Variants in LRMDA observed in about 807,000 individuals in gnomAD.
LRMDA encodes the protein leucine rich melanocyte differentiation associated.
Under a neutral mutation model 29.8 loss-of-function variants are expected in LRMDA, and 18 were observed. The observed-to-expected ratio is 0.60, with a 90% CI of 0.42 to 0.90. LRMDA has a LOEUF of 0.90. Among genes scored for constraint, LRMDA ranks in the 40% least tolerant of loss-of-function variants. LRMDA has a pLI of 0.00. For synonymous variants in LRMDA, 125 were observed against 109.4 expected (o/e 1.14, Z -0.89); for missense variants, 273 against 273.9 (o/e 1.00, Z 0.02).
chr10:76,207,495 T>C (rs968604977), intron 5 of LRMDA, among the ~76,000 whole-genome samples: 1 of 152,194 alleles, frequency 6.6e-6, no homozygotes, highest in East Asian at 1.9e-4. Flanking sequence ...GACTTAAGTA[T>C]TTATTTTTGG....
rs78734127 is a variant in LRMDA at position 76,042,685 on chromosome 10, T to G, written c.259-4479T>G. Among the ~76,000 whole-genome samples, 1,111 of 152,274 alleles carry G rather than the reference T, an allele frequency of 7.3e-3. 16 individuals are homozygous for G. The highest frequency in any genetic ancestry group is 0.025 in the African/African-American group (1,053 of 41,562). On this transcript the variant is annotated intron_variant, in intron 3 of 6. Transcript: ENST00000611255. ...ATTGAAGATATGCCTCTAGAGAAAC[T>G]TTTTTCCTGCAAATTTCTCATAGTT...
At chr10:75,978,833 A>G (rs1847118152) in intron 2 of LRMDA, among the ~76,000 whole-genome samples, 1 of 152,184 alleles carries the variant, frequency 6.6e-6, no homozygotes, top group African/African-American at 2.4e-5. Context: ...GTGTGATACA[A>G]TGTTATAATG....
intron 2 of LRMDA, among the ~76,000 whole-genome samples, chr10:75,697,944 A>G (rs1244327136): frequency 6.6e-6 from 1 of 152,058 alleles, no homozygotes; most frequent in Non-Finnish European, 1.5e-5. Context: ...TTTTGCTCAC[A>G]TGTTGGTTGC....
intron 6 of LRMDA, among the ~76,000 whole-genome samples, chr10:76,507,741 T>C (rs1481736813): frequency 6.6e-6 from 1 of 152,150 alleles, no homozygotes; most frequent in Non-Finnish European, 1.5e-5. Context: ...ACACCAATCA[T>C]TGAAGAGACT....
chr10:75,564,644 T>C (rs1840347180), intron 2 of LRMDA, among the ~76,000 whole-genome samples: 1 of 152,256 alleles, frequency 6.6e-6, no homozygotes, highest in Admixed American at 6.5e-5. Context: ...CTGGGAGCTG[T>C]AGACCGGAGC....
chr10:76,514,030 A>G (rs1405537718), intron 6 of LRMDA, among the ~76,000 whole-genome samples: 3 of 152,218 alleles, frequency 2.0e-5, no homozygotes, highest in African/African-American at 4.8e-5. Context: ...AACCTATCAT[A>G]AACCACAGCT....
chr10:76,483,956 A>T (rs868132305), intron 6 of LRMDA, among the ~76,000 whole-genome samples: 4 of 151,844 alleles, frequency 2.6e-5, no homozygotes, highest in African/African-American at 9.7e-5. Context: ...ACCATGCCAT[A>T]GTAATTACTA....
At chr10:76,204,902 A>G (rs1851506198) in intron 5 of LRMDA, among the ~76,000 whole-genome samples, 1 of 152,194 alleles carries the variant, frequency 6.6e-6, no homozygotes, top group South Asian at 2.1e-4. Context: ...ATCCAGAAAA[A>G]TCAGGAGAAT....
chr10:75,765,788 C>T (rs1843156478), intron 2 of LRMDA, among the ~76,000 whole-genome samples: 1 of 150,972 alleles, frequency 6.6e-6, no homozygotes, highest in Admixed American at 6.6e-5. Flanking sequence ...CGTCCCACTT[C>T]CCCACTCTTC....
At chr10:76,442,290 T>C (rs1214674160) in intron 6 of LRMDA, among the ~76,000 whole-genome samples, 4 of 152,208 alleles carry the variant, frequency 2.6e-5, no homozygotes, top group African/African-American at 9.6e-5. Context: ...TGACTGAGAT[T>C]GATGGAACAC....
intron 2 of LRMDA, among the ~76,000 whole-genome samples, chr10:75,983,507 C>T (rs147737313): frequency 7.9e-5 from 12 of 152,254 alleles, no homozygotes; most frequent in Admixed American, 5.9e-4. Flanking sequence ...TATACACATG[C>T]ATACGTAATA....
chr10:76,440,745 TATC>T (rs1589188619), intron 6 of LRMDA, among the ~76,000 whole-genome samples: 1 of 152,154 alleles, frequency 6.6e-6, no homozygotes, highest in African/African-American at 2.4e-5. Flanking sequence ...CTGCTCAACT[TATC>T]ATCATTAGTC....
chr10:75,805,031 C>T (rs568595417), intron 2 of LRMDA, among the ~76,000 whole-genome samples: 9 of 152,278 alleles, frequency 5.9e-5, no homozygotes, highest in African/African-American at 2.2e-4. Flanking sequence ...ATCCCACCTT[C>T]TGCCTCAACT....
At chr10:76,148,340 C>T (rs977492278) in intron 5 of LRMDA, among the ~76,000 whole-genome samples, 4 of 152,234 alleles carry the variant, frequency 2.6e-5, no homozygotes, top group African/African-American at 9.6e-5. Context: ...CCACCCAGTT[C>T]TAGCTTCCCG....
At chr10:76,456,317 A>G (rs1404612747) in intron 6 of LRMDA, among the ~76,000 whole-genome samples, 1 of 152,172 alleles carries the variant, frequency 6.6e-6, no homozygotes, top group Admixed American at 6.5e-5. Flanking sequence ...CTGAAGTTTT[A>G]TCATGGAGGC....
At chr10:75,998,573 A>G (rs1847510833) in intron 2 of LRMDA, among the ~76,000 whole-genome samples, 1 of 152,236 alleles carries the variant, frequency 6.6e-6, no homozygotes, top group Non-Finnish European at 1.5e-5. Context: ...TAAGAACTTT[A>G]CACATATTAG....
At chr10:76,450,398 A>G (rs1340441186) in intron 6 of LRMDA, among the ~76,000 whole-genome samples, 2 of 152,144 alleles carry the variant, frequency 1.3e-5, no homozygotes, top group Admixed American at 1.3e-4. Context: ...TTAAAACACA[A>G]TAGAACTTCC....
chr10:75,829,731 G>A (rs1239454112), intron 2 of LRMDA, among the ~76,000 whole-genome samples: 1 of 151,920 alleles, frequency 6.6e-6, no homozygotes, highest in Non-Finnish European at 1.5e-5. Flanking sequence ...TTAGGGTAAG[G>A]GATACTGTCT....
At chr10:76,145,443 A>G (rs1850295892) in intron 5 of LRMDA, among the ~76,000 whole-genome samples, 1 of 152,036 alleles carries the variant, frequency 6.6e-6, no homozygotes. Context: ...CAAGGAATTT[A>G]TCTATTTCTT....
Sources: allele counts gnomAD v4.1 joint callset (sites outside exome capture counted in the v4.1 genomes callset), GRCh38; gene constraint gnomAD v4.1.1; transcripts MANE v1.5; gene names NCBI Gene and HGNC (gene_info 2026-07-23, HGNC 2026-07-21).